Variants in CEP112 observed in about 807,000 individuals in gnomAD.
CEP112 encodes the protein centrosomal protein 112, also known as centrosomal protein of 112 kDa.
CEP112 carries 127 observed loss-of-function variants against 153.0 expected under a neutral mutation model. The ratio of observed to expected loss-of-function variants is 0.83; its 90% CI spans 0.72 to 0.96. The LOEUF (loss-of-function observed/expected upper bound fraction) is 0.96, where lower values mean the gene tolerates loss of function less well. Ranked by LOEUF, CEP112 falls within the 40% of genes least tolerant of loss-of-function variation. The pLI is 0.00. For synonymous variants in CEP112, 358 were observed against 374.4 expected (o/e 0.96, Z 0.51); for missense variants, 1,089 against 1,101.2 (o/e 0.99, Z 0.16).
chr17:65,731,534 C>T (rs1252294144), intron 23 of CEP112, among the ~76,000 whole-genome samples: 1 of 152,128 alleles, frequency 6.6e-6, no homozygotes, highest in Non-Finnish European at 1.5e-5. Flanking sequence ...GCTGGGGTGG[C>T]TGTGGCAATT....
intron 24 of CEP112, 56 bp downstream of exon 24, chr17:65,689,070 ACAC>A: frequency 7.9e-7 from 1 of 1,263,770 alleles, no homozygotes; most frequent in African/African-American, 1.5e-5. Flanking sequence ...ACCTGGCTGC[ACAC>A]ACTTCTTGAC....
At chr17:66,166,584 T>C (rs930980982) in intron 4 of CEP112, among the ~76,000 whole-genome samples, 14 of 152,182 alleles carry the variant, frequency 9.2e-5, no homozygotes, top group African/African-American at 3.4e-4. Flanking sequence ...AATATATAGA[T>C]GATGTGAACT....
intron 17 of CEP112, among the ~76,000 whole-genome samples, chr17:65,990,441 C>G (rs974361805): frequency 2.0e-5 from 3 of 152,260 alleles, no homozygotes; most frequent in African/African-American, 4.8e-5. Context: ...CCCCCATCCA[C>G]CAGCCAGATA....
intron 8 of CEP112, among the ~76,000 whole-genome samples, chr17:66,079,664 A>C (rs1206580344): frequency 6.6e-6 from 1 of 152,188 alleles, no homozygotes; most frequent in Non-Finnish European, 1.5e-5. Flanking sequence ...ACTACTTTAA[A>C]TTTCATATGC....
intron 23 of CEP112, among the ~76,000 whole-genome samples, chr17:65,709,477 T>G (rs184941248): frequency 3.3e-5 from 5 of 152,260 alleles, no homozygotes; most frequent in African/African-American, 1.2e-4. Context: ...GGGTTTCCCC[T>G]TATGAAACCA....
rs1229599448 is a variant in CEP112, at chr17:65,641,071, T to C, written c.2698-6A>G. 6.7e-7 allele frequency: 1 copy of C among 1,495,550 alleles called. No homozygotes were observed. Among genetic ancestry groups the C allele is most frequent in the South Asian group, 1.1e-5 (1 of 88,238 alleles). The allele number at this position is 1,495,550 out of a possible 1,614,324, so 92.6% of individuals were successfully genotyped here. ...TCTTGTCGTATGTAAGTTATCTAAATTGGAAAAAAATTAAGAGTTATCTTT... is the reference window on the plus strand; with the variant it reads ...TCTTGTCGTATGTAAGTTATCTAAACTGGAAAAAAATTAAGAGTTATCTTT... On this transcript the variant is annotated splice_polypyrimidine_tract_variant and splice_region_variant and intron_variant, in intron 24 of 26. Transcript: ENST00000535342.
intron 24 of CEP112, among the ~76,000 whole-genome samples, chr17:65,645,299 A>T (rs927549338): frequency 6.6e-6 from 1 of 152,064 alleles, no homozygotes; most frequent in African/African-American, 2.4e-5. Flanking sequence ...CAACTCCTGG[A>T]CTCAACCAAT....
intron 17 of CEP112, among the ~76,000 whole-genome samples, chr17:66,000,328 CT>C (rs928811386): frequency 3.1e-4 from 37 of 117,986 alleles, no homozygotes; most frequent in Admixed American, 1.3e-3. Flanking sequence ...TGATGTTGAG[CT>C]TTTTTGCTTT....
chr17:65,729,467 T>G (rs2050372361), intron 23 of CEP112, among the ~76,000 whole-genome samples: 1 of 152,154 alleles, frequency 6.6e-6, no homozygotes. Context: ...CTAATACATA[T>G]TAAATTGATC....
chr17:66,154,195 A>T (rs577469846), intron 4 of CEP112, among the ~76,000 whole-genome samples: 2 of 150,782 alleles, frequency 1.3e-5, no homozygotes, highest in Non-Finnish European at 3.0e-5. Context: ...AGGGGGGGCC[A>T]ACTACAGCAG....
intron 20 of CEP112, among the ~76,000 whole-genome samples, chr17:65,890,581 C>T (rs570554484): frequency 1.3e-5 from 2 of 152,206 alleles, no homozygotes; most frequent in East Asian, 1.9e-4. Flanking sequence ...AGGGTAAGTA[C>T]GCTAGAGTAG....
chr17:65,730,106 T>C (rs898328496), intron 23 of CEP112, among the ~76,000 whole-genome samples: 4 of 152,222 alleles, frequency 2.6e-5, no homozygotes, highest in African/African-American at 9.6e-5. Context: ...ATTGATTCCT[T>C]AACGTACACA....
At position 66,066,703 on chromosome 17, in the gene CEP112, T is replaced by G. The variant is rs1006943507; in HGVS notation, c.955+75A>C. 3 of 1,029,680 alleles carry G rather than the reference T, an allele frequency of 2.9e-6. No homozygotes were observed. The East Asian group carries it at 8.5e-5, about 29-fold the overall frequency. 63.8% of individuals were successfully genotyped at this position (1,029,680 alleles called of 1,614,324 possible). On this transcript the variant is annotated intron_variant, in intron 10 of 26. Coordinates refer to ENST00000535342, the MANE Select transcript of CEP112 (RefSeq NM_001199165.4). ...ATCTCATACTATAAAAGGTCAGAAA[T>G]CAAATTTTTTTCTCCACATCACTAA...
At position 65,742,664 on chromosome 17, in the gene CEP112, C is replaced by T. The variant is rs954389688; in HGVS notation, c.2607+404G>A. Among the ~76,000 whole-genome samples, 19 of 152,002 alleles carry T rather than the reference C, an allele frequency of 1.2e-4. No individual in the cohort carries two copies. In the East Asian group the frequency reaches 1.7e-3, roughly 14 times the overall value. On this transcript the variant is annotated intron_variant, in intron 23 of 26. Coordinates refer to ENST00000535342, the MANE Select transcript of CEP112 (RefSeq NM_001199165.4). ...ATCGAACAGGTTATTTCTCATTATG[C>T]GAATACATAATGAAAGGATGTGGGC...
intron 23 of CEP112, among the ~76,000 whole-genome samples, chr17:65,716,046 T>C (rs922013998): frequency 6.6e-6 from 1 of 152,196 alleles, no homozygotes; most frequent in Admixed American, 6.5e-5. Context: ...TCAACAAAAA[T>C]GTACTGAGTA....
At chr17:65,665,640 G>A (rs968643261) in intron 24 of CEP112, among the ~76,000 whole-genome samples, 1 of 152,176 alleles carries the variant, frequency 6.6e-6, no homozygotes. Context: ...AGGGAACAGA[G>A]TTAAAAAATG....
intron 4 of CEP112, among the ~76,000 whole-genome samples, chr17:66,170,928 G>A (rs2072217030): frequency 6.6e-6 from 1 of 152,064 alleles, no homozygotes; most frequent in African/African-American, 2.4e-5. Flanking sequence ...GCAAAGAAGA[G>A]AACCAGGACA....
At chr17:65,970,540 A>C (rs5015874) in intron 17 of CEP112, among the ~76,000 whole-genome samples, 50,517 of 122,462 alleles carry the variant, frequency 0.41, 11,411 homozygotes, top group East Asian at 0.87. Flanking sequence ...ATAACACATG[A>C]ATATTACATG....
At chr17:65,981,718 G>C (rs1247813131) in intron 17 of CEP112, among the ~76,000 whole-genome samples, 2 of 152,168 alleles carry the variant, frequency 1.3e-5, no homozygotes, top group Non-Finnish European at 2.9e-5. Flanking sequence ...GGGATTACAG[G>C]CATGCGCCAC....
Sources: allele counts gnomAD v4.1 joint callset (sites outside exome capture counted in the v4.1 genomes callset), GRCh38; gene constraint gnomAD v4.1.1; transcripts MANE v1.5; gene names NCBI Gene and HGNC (gene_info 2026-07-23, HGNC 2026-07-21).